ZNF385D: variants seen among roughly 807,000 people sequenced by gnomAD.
ZNF385D encodes the protein zinc finger protein 659.
A neutral mutation model predicts 35.8 loss-of-function variants in ZNF385D; 15 were observed. That is an observed-to-expected ratio of 0.42 (90% CI 0.28 to 0.64). ZNF385D has a LOEUF of 0.64. Ranked by LOEUF, ZNF385D falls within the 30% of genes least tolerant of loss-of-function variation. ZNF385D has a pLI of 0.23. For missense variants in ZNF385D, 474 were observed against 494.6 expected, an observed-to-expected ratio of 0.96 and a Z score of 0.39; for synonymous variants, 212 against 186.8, an observed-to-expected ratio of 1.13 and a Z score of -1.10.
At chr3:21,550,875 A>G (rs1297567054) in intron 3 of ZNF385D, among the ~76,000 whole-genome samples, 2 of 152,204 alleles carry the variant, frequency 1.3e-5, no homozygotes, top group African/African-American at 4.8e-5. Flanking sequence ...CCTTCAAGCA[A>G]TGTTATGCTC....
At chr3:21,585,342 G>A (rs930591025) in intron 2 of ZNF385D, among the ~76,000 whole-genome samples, 10 of 152,020 alleles carry the variant, frequency 6.6e-5, no homozygotes, top group African/African-American at 1.9e-4. Flanking sequence ...CCTTTTCTTG[G>A]AATACATAAT....
chr3:22,002,858 G>A (rs1252256972), intron 3 of ZNF385D, among the ~76,000 whole-genome samples: 1 of 152,034 alleles, frequency 6.6e-6, no homozygotes, highest in African/African-American at 2.4e-5. Flanking sequence ...CTCAATAGAT[G>A]TAGAAAAATT....
chr3:21,898,817 A>C (rs936048691), intron 3 of ZNF385D, among the ~76,000 whole-genome samples: 1 of 152,150 alleles, frequency 6.6e-6, no homozygotes, highest in Non-Finnish European at 1.5e-5. Flanking sequence ...TCTCAGCATC[A>C]CATTCATAAA....
chr3:22,263,400 C>A (rs573304264), intron 2 of ZNF385D, among the ~76,000 whole-genome samples: 1 of 151,814 alleles, frequency 6.6e-6, no homozygotes, highest in South Asian at 2.1e-4. Context: ...ACTTTTTTTT[C>A]CTTTATGTCT....
chr3:21,927,709 A>T (rs148610872), intron 3 of ZNF385D, among the ~76,000 whole-genome samples: 2 of 152,332 alleles, frequency 1.3e-5, no homozygotes, highest in East Asian at 1.9e-4. Flanking sequence ...GACAAAATAG[A>T]CTTCAAGACA....
intron 2 of ZNF385D, among the ~76,000 whole-genome samples, chr3:22,333,593 A>G (rs1695034360): frequency 6.6e-6 from 1 of 151,972 alleles, no homozygotes; most frequent in Non-Finnish European, 1.5e-5. Flanking sequence ...TTATTTTTTC[A>G]GCCCTAAAAT....
At chr3:22,001,980 A>C (rs1603664) in intron 3 of ZNF385D, among the ~76,000 whole-genome samples, 1 of 151,770 alleles carries the variant, frequency 6.6e-6, no homozygotes. Flanking sequence ...AAATGGCTAT[A>C]TCAAAGAAGT....
chr3:22,122,996 C>G (rs1344660676), intron 3 of ZNF385D, among the ~76,000 whole-genome samples: 1 of 152,096 alleles, frequency 6.6e-6, no homozygotes, highest in African/African-American at 2.4e-5. Context: ...TTAAAGACTA[C>G]TTTTATTCCA....
At chr3:21,934,502 G>T (rs1328917882) in intron 3 of ZNF385D, among the ~76,000 whole-genome samples, 3 of 152,280 alleles carry the variant, frequency 2.0e-5, no homozygotes, top group African/African-American at 7.2e-5. Flanking sequence ...AATATTCACT[G>T]TGTAAAGATC....
At chr3:22,341,115 T>A (rs1449075221) in intron 2 of ZNF385D, among the ~76,000 whole-genome samples, 1 of 152,188 alleles carries the variant, frequency 6.6e-6, no homozygotes, top group South Asian at 2.1e-4. Flanking sequence ...TCTGGAAACA[T>A]CAAAGATTTC....
In ZNF385D at chr3:21,414,494, C is replaced by T. The variant is rs1700534517; in HGVS notation, c.*6720G>A. 1.3e-5 allele frequency: 2 copies of T among 152,032 alleles called. No homozygotes were observed. The highest frequency in any genetic ancestry group is 2.4e-5 in the African/African-American group (1 of 41,402). The allele number at this position is 152,032 out of a possible 1,614,324, so 9.4% of individuals were successfully genotyped here. A position where few individuals can be genotyped will look rare whatever the true frequency, so the allele number is the denominator to read the frequency against. ...ATATAAACGCTGTAACTATAAGTCA[C>T]ATTTTAAAACGACTTTATGAAATTT... On this transcript the variant is annotated 3_prime_UTR_variant, in exon 8 of 8. Coordinates refer to ENST00000281523, the MANE Select transcript of ZNF385D (RefSeq NM_024697.3).
chr3:22,287,568 C>A, intron 2 of ZNF385D, among the ~76,000 whole-genome samples: 1 of 151,914 alleles, frequency 6.6e-6, no homozygotes, highest in South Asian at 2.1e-4. Flanking sequence ...TTACAAAAAG[C>A]ACCTCATATT....
intron 1 of ZNF385D, among the ~76,000 whole-genome samples, chr3:21,731,373 C>A (rs11706618): frequency 0.049 from 7,427 of 152,110 alleles, 227 homozygotes; most frequent in South Asian, 0.087. Context: ...AGGCTCACAG[C>A]CATATTGAAT....
chr3:22,281,918 C>T (rs112920873), intron 2 of ZNF385D, among the ~76,000 whole-genome samples: 4,047 of 151,998 alleles, frequency 0.027, 75 homozygotes, highest in Non-Finnish European at 0.038. Context: ...CCATTTCAAT[C>T]TTGCTGCTTG....
intron 3 of ZNF385D, among the ~76,000 whole-genome samples, chr3:22,087,807 A>C (rs1701124019): frequency 6.6e-6 from 1 of 152,208 alleles, no homozygotes; most frequent in African/African-American, 2.4e-5. Flanking sequence ...TGTAACAGTG[A>C]GAATAATCAA....
Position 22,081,246 on chromosome 3 carries a change from A to G in ZNF385D, c.325+87571T>C, listed in dbSNP as rs142533646. 8.8e-4 allele frequency among the ~76,000 whole-genome samples: 134 copies of G among 152,262 alleles called. 1 individual carries two copies. Among genetic ancestry groups the G allele is most frequent in the African/African-American group, 3.0e-3 (125 of 41,558 alleles). ...CCAAATTCATCCTATCTTATTTTGT[A>G]TTTCATCCATCTGTGGGTCTTAATT... On this transcript the variant is annotated intron_variant, in intron 3 of 5. Transcript: ENST00000494108.
At chr3:21,832,072 T>A (rs1695028587) in intron 3 of ZNF385D, among the ~76,000 whole-genome samples, 1 of 62,250 alleles carries the variant, frequency 1.6e-5, no homozygotes, top group South Asian at 7.2e-4. Flanking sequence ...CTAGACAATG[T>A]TGTTAAAATA....
At chr3:22,113,502 G>A (rs1702646145) in intron 3 of ZNF385D, among the ~76,000 whole-genome samples, 1 of 152,032 alleles carries the variant, frequency 6.6e-6, no homozygotes, top group Non-Finnish European at 1.5e-5. Context: ...GGCCTGGGGA[G>A]AAATTAGATC....
At chr3:22,314,752 T>C (rs1180398842) in intron 2 of ZNF385D, among the ~76,000 whole-genome samples, 1 of 152,154 alleles carries the variant, frequency 6.6e-6, no homozygotes, top group African/African-American at 2.4e-5. Flanking sequence ...TGAGTAGACC[T>C]AGAGCAGAGT....
Sources: gnomAD v4.1 joint callset for allele counts (sites outside exome capture counted in the v4.1 genomes callset) on GRCh38, gnomAD v4.1.1 for gene constraint, MANE v1.5 for transcripts, NCBI Gene and HGNC (gene_info 2026-07-23, HGNC 2026-07-21) for gene names.